Variants in IL1RAPL2 observed in about 807,000 individuals in gnomAD.
IL1RAPL2 encodes the protein interleukin 1 receptor accessory protein like 2.
Under a neutral mutation model 44.1 loss-of-function variants are expected in IL1RAPL2, and 3 were observed. The ratio of observed to expected loss-of-function variants is 0.07; its 90% CI spans 0.03 to 0.18. The LOEUF (loss-of-function observed/expected upper bound fraction) is 0.18. Ranked by LOEUF, IL1RAPL2 falls within the 10% of genes least tolerant of loss-of-function variation. The pLI is 1.00. For synonymous variants in IL1RAPL2, 181 were observed against 178.8 expected (o/e 1.01, Z -0.10); for missense variants, 391 against 496.4 (o/e 0.79, Z 2.02).
chrX:105,249,279 G>T (rs905080205), intron 4 of IL1RAPL2, among the ~76,000 whole-genome samples: 3 of 110,810 alleles, frequency 2.7e-5, no homozygotes, highest in African/African-American at 9.8e-5. Flanking sequence ...TTATTTGTGG[G>T]ATCTAAAAAT....
At chrX:104,650,054 C>T (rs5962968) in intron 1 of IL1RAPL2, among the ~76,000 whole-genome samples, 31,550 of 110,108 alleles carry the variant, frequency 0.29, 3,998 homozygotes, top group South Asian at 0.56. Context: ...CTTCATTAGC[C>T]ATTGTCTTAG....
At position 105,317,688 on chromosome X, in the gene IL1RAPL2, C is replaced by A. The variant is rs192023073; in HGVS notation, c.697+50147C>A. ...TGGTGGCCAGTCAGTCTTCAACAGC[C>A]TTCTTTACTGAACAAAGACTCAAAG... is the stretch of plus-strand genomic sequence containing the variant. On this transcript the variant is annotated intron_variant, in intron 5 of 10. Coordinates refer to ENST00000372582, the MANE Select transcript of IL1RAPL2 (RefSeq NM_017416.2). 4.5e-5 allele frequency among the ~76,000 whole-genome samples: 5 copies of A among 111,261 alleles called. No homozygotes were observed. In the East Asian group the frequency reaches 1.4e-3, roughly 31 times the overall value.
Position 105,309,442 on chromosome X carries a change from C to A in IL1RAPL2, c.697+41901C>A, listed in dbSNP as rs761858517. On this transcript the variant is annotated intron_variant, in intron 5 of 10. Transcript: ENST00000372582. ...TTTTGTGAATATCTTTTAAAATTTT[C>A]TGGTTTTGGCTGGGCGTGGTGGCTC... Among the ~76,000 whole-genome samples the A allele has an allele frequency of 2.0e-4, 22 of 110,081 alleles. No individual in the cohort carries two copies. The South Asian group carries it at 7.0e-3, about 35-fold the overall frequency.
intron 5 of IL1RAPL2, among the ~76,000 whole-genome samples, chrX:105,337,122 A>G (rs972777960): frequency 8.9e-6 from 1 of 112,310 alleles, no homozygotes; most frequent in African/African-American, 3.2e-5. Context: ...CGAGTTCACC[A>G]TGTTTCTGCT....
chrX:105,537,888 A>G (rs1009984511), intron 6 of IL1RAPL2, among the ~76,000 whole-genome samples: 8 of 110,182 alleles, frequency 7.3e-5, no homozygotes, highest in Middle Eastern at 4.6e-3. Context: ...CCTTTCTTAC[A>G]GTTTCCAAAG....
intron 6 of IL1RAPL2, among the ~76,000 whole-genome samples, chrX:105,533,739 A>C (rs772074827): frequency 8.0e-5 from 9 of 112,159 alleles, no homozygotes; most frequent in Non-Finnish European, 1.7e-4. Flanking sequence ...CACTCAGAAA[A>C]TTTTTTGAGG....
chrX:105,028,170 G>C (rs758625041), intron 2 of IL1RAPL2, among the ~76,000 whole-genome samples: 4 of 111,366 alleles, frequency 3.6e-5, no homozygotes, highest in Non-Finnish European at 3.8e-5. Flanking sequence ...ACGGTTACCA[G>C]AGACTGGGAA....
At chrX:105,363,025 T>C (rs1225301952) in intron 5 of IL1RAPL2, among the ~76,000 whole-genome samples, 1 of 108,282 alleles carries the variant, frequency 9.2e-6, no homozygotes, top group Non-Finnish European at 1.9e-5. Flanking sequence ...TTTCCTCCCC[T>C]CTCCTTTACC....
intron 6 of IL1RAPL2, among the ~76,000 whole-genome samples, chrX:105,662,844 C>T (rs775829830): frequency 2.7e-5 from 3 of 111,906 alleles, no homozygotes; most frequent in Non-Finnish European, 5.6e-5. Context: ...AAGACTTCAA[C>T]CTCCTAGGAG....
chrX:104,862,853 T>C (rs1402776067), intron 2 of IL1RAPL2, among the ~76,000 whole-genome samples: 1 of 111,854 alleles, frequency 8.9e-6, no homozygotes, highest in Non-Finnish European at 1.9e-5. Flanking sequence ...CTTAATATTT[T>C]GGTTAATGAA....
At chrX:105,378,419 A>G (rs1311073842) in intron 5 of IL1RAPL2, among the ~76,000 whole-genome samples, 1 of 111,965 alleles carries the variant, frequency 8.9e-6, no homozygotes, top group Non-Finnish European at 1.9e-5. Context: ...GAAGAGGTAT[A>G]GATTAGAATC....
At chrX:104,985,560 G>C (rs893217310) in intron 2 of IL1RAPL2, among the ~76,000 whole-genome samples, 2 of 111,732 alleles carry the variant, frequency 1.8e-5, no homozygotes, top group East Asian at 5.7e-4. Context: ...TATACATGCT[G>C]GGGATGAGTA....
chrX:104,637,260 A>G (rs1455137824), intron 1 of IL1RAPL2, among the ~76,000 whole-genome samples: 4 of 111,262 alleles, frequency 3.6e-5, no homozygotes, highest in Non-Finnish European at 5.7e-5. Context: ...TCATGGCATC[A>G]GAAAAGAGGG....
chrX:105,088,476 C>A (rs1034479939), intron 2 of IL1RAPL2, among the ~76,000 whole-genome samples: 1 of 111,569 alleles, frequency 9.0e-6, no homozygotes, highest in African/African-American at 3.3e-5. Context: ...AACTTAAGCC[C>A]AGCCTGGGTC....
intron 2 of IL1RAPL2, among the ~76,000 whole-genome samples, chrX:105,003,603 C>T (rs928663286): frequency 4.0e-4 from 45 of 111,138 alleles, no homozygotes; most frequent in Non-Finnish European, 1.5e-4. Flanking sequence ...GTTTTGATTT[C>T]TCTGGAGCAA....
chrX:105,147,653 G>A (rs901863090), intron 2 of IL1RAPL2, among the ~76,000 whole-genome samples: 1 of 111,627 alleles, frequency 9.0e-6, no homozygotes, highest in Non-Finnish European at 1.9e-5. Flanking sequence ...GTTGTAGCAT[G>A]TATCAAAACT....
intron 2 of IL1RAPL2, among the ~76,000 whole-genome samples, chrX:105,157,690 C>T (rs1426650033): frequency 8.9e-6 from 1 of 111,940 alleles, no homozygotes; most frequent in Non-Finnish European, 1.9e-5. Context: ...TAAACAGGTA[C>T]TCTGAATTGC....
intron 2 of IL1RAPL2, among the ~76,000 whole-genome samples, chrX:105,036,699 A>G (rs1365454131): frequency 8.9e-6 from 1 of 112,107 alleles, no homozygotes; most frequent in Non-Finnish European, 1.9e-5. Flanking sequence ...TCAATAACCC[A>G]CATGTTCAAG....
intron 2 of IL1RAPL2, among the ~76,000 whole-genome samples, chrX:104,827,936 T>C (rs1921500047): frequency 8.9e-6 from 1 of 111,973 alleles, no homozygotes; most frequent in South Asian, 3.8e-4. Context: ...TACTTGTGTA[T>C]GCTTCACGAA....
Sources: gnomAD v4.1 joint callset for allele counts (sites outside exome capture counted in the v4.1 genomes callset) on GRCh38, gnomAD v4.1.1 for gene constraint, MANE v1.5 for transcripts, NCBI Gene and HGNC (gene_info 2026-07-23, HGNC 2026-07-21) for gene names.